RHPN2: variants seen among roughly 807,000 people sequenced by gnomAD.
RHPN2 encodes rhophilin-2.
Under a neutral mutation model 79.0 loss-of-function variants are expected in RHPN2, and 40 were observed. The observed-to-expected ratio is 0.51, with a 90% CI of 0.39 to 0.66. The LOEUF (loss-of-function observed/expected upper bound fraction) is 0.66. Ranked by LOEUF, RHPN2 falls within the 30% of genes least tolerant of loss-of-function variation. The pLI, the probability that RHPN2 is intolerant of heterozygous loss-of-function variation, is 0.00. For synonymous variants in RHPN2, 285 were observed against 363.5 expected, an observed-to-expected ratio of 0.78 and a Z score of 2.46; for missense variants, 686 against 883.5, an observed-to-expected ratio of 0.78 and a Z score of 2.83.
At chr19:32,989,149 G>A (rs1024319714) in intron 14 of RHPN2, among the ~76,000 whole-genome samples, 7 of 151,992 alleles carry the variant, frequency 4.6e-5, no homozygotes, top group Non-Finnish European at 8.8e-5. Context: ...TCACTCTGTT[G>A]CCCAGGCTGG....
At chr19:33,015,347 C>T (rs776270548) in intron 4 of RHPN2, among the ~76,000 whole-genome samples, 4,328 of 115,750 alleles carry the variant, frequency 0.037, no homozygotes, top group Non-Finnish European at 0.042. Context: ...ATAGCTTGAG[C>T]CCAGGAGGCA....
intron 9 of RHPN2, 53 bp from the exon 10 acceptor site, chr19:32,999,758 C>T (rs1971734384): frequency 1.3e-6 from 2 of 1,596,876 alleles, no homozygotes; most frequent in Non-Finnish European, 1.7e-6. Flanking sequence ...GCCACAGACC[C>T]ACGTAGAGAT....
At chr19:32,988,463 A>C (rs564773264) in intron 14 of RHPN2, among the ~76,000 whole-genome samples, 7 of 152,258 alleles carry the variant, frequency 4.6e-5, no homozygotes, top group Admixed American at 3.9e-4. Context: ...ACCAGCCTGG[A>C]CAAGTGCCAT....
rs143887872 is a variant in RHPN2, at chr19:33,043,670, T to C, written c.185+579A>G. ...CTGGCACATTGTCTTTTGTTGCATT[T>C]CGTTGCCTGGAGAGGGTTTATAGAG... is the stretch of plus-strand genomic sequence containing the variant. On this transcript the variant is annotated intron_variant, in intron 2 of 14. Coordinates refer to ENST00000254260, the MANE Select transcript of RHPN2 (RefSeq NM_033103.5). 3.9e-5 allele frequency among the ~76,000 whole-genome samples: 6 copies of C among 152,292 alleles called. No homozygotes were observed. The East Asian group carries it at 1.2e-3, about 29-fold the overall frequency.
chr19:33,060,633 G>C (rs777173567), intron 1 of RHPN2, among the ~76,000 whole-genome samples: 1 of 151,992 alleles, frequency 6.6e-6, no homozygotes, highest in South Asian at 2.1e-4. Flanking sequence ...CGTGGGCTCC[G>C]GATATCCTCC....
chr19:33,054,865 G>A (rs534822511), intron 1 of RHPN2, among the ~76,000 whole-genome samples: 7 of 152,220 alleles, frequency 4.6e-5, no homozygotes, highest in Non-Finnish European at 1.0e-4. Flanking sequence ...CATTTACAGT[G>A]TTATAGTTCA....
intron 4 of RHPN2, among the ~76,000 whole-genome samples, chr19:33,019,256 G>T (rs1195415990): frequency 6.6e-6 from 1 of 151,882 alleles, no homozygotes; most frequent in Non-Finnish European, 1.5e-5. Flanking sequence ...ACCAGCCTGG[G>T]CAACAGTGGG....
intron 1 of RHPN2, among the ~76,000 whole-genome samples, chr19:33,063,383 T>C (rs914099488): frequency 1.3e-5 from 2 of 152,236 alleles, no homozygotes; most frequent in Middle Eastern, 3.4e-3. Flanking sequence ...AGTCTCTCTG[T>C]GTCACCTGGG....
In RHPN2 at chr19:33,002,340, G is replaced by A; in HGVS notation, c.1012C>T (p.Pro338Ser). The change falls in exon 9 of 15, where the codon CCC becomes TCC. Residue 338 changes from proline (P) to serine (S), a missense_variant. Transcript: ENST00000254260. ...MSQAPVKENI[P>S]YSWASLACVK... ...CAGGCTAAGCTGGCCCAGGAGTAGGGGATGTTCTCTTTCACCGGCGCCTGG... is the reference window on the plus strand; with the variant it reads ...CAGGCTAAGCTGGCCCAGGAGTAGGAGATGTTCTCTTTCACCGGCGCCTGG... The A allele has an allele frequency of 2.0e-5, 33 of 1,613,956 alleles. No individual in the cohort carries two copies. Among genetic ancestry groups the A allele is most frequent in the Non-Finnish European group, 2.8e-5 (33 of 1,179,872 alleles).
intron 4 of RHPN2, among the ~76,000 whole-genome samples, chr19:33,018,161 A>G (rs1161359578): frequency 6.6e-6 from 1 of 151,784 alleles, no homozygotes; most frequent in Non-Finnish European, 1.5e-5. Flanking sequence ...TCAAAAATAT[A>G]TATATACACA....
intron 1 of RHPN2, chr19:33,051,650 GAACA>G (rs1972189036): frequency 5.1e-6 from 1 of 196,686 alleles, no homozygotes; most frequent in Non-Finnish European, 1.2e-5. Context: ...TCTGTTCAGT[GAACA>G]GACAGATCAC....
At chr19:33,061,091 C>T (rs1339322229) in intron 1 of RHPN2, among the ~76,000 whole-genome samples, 1 of 152,138 alleles carries the variant, frequency 6.6e-6, no homozygotes, top group Non-Finnish European at 1.5e-5. Context: ...TGACCCTGAA[C>T]TGCCTGGCTC....
chr19:33,026,266 C>A (rs889506845), intron 3 of RHPN2, among the ~76,000 whole-genome samples: 1 of 151,982 alleles, frequency 6.6e-6, no homozygotes, highest in Non-Finnish European at 1.5e-5. Flanking sequence ...AGTGAGCCAC[C>A]GTGCCCGGCC....
At chr19:33,056,921 A>G (rs990562887) in intron 1 of RHPN2, among the ~76,000 whole-genome samples, 2 of 151,104 alleles carry the variant, frequency 1.3e-5, no homozygotes, top group African/African-American at 2.4e-5. Context: ...CATCCTGGCT[A>G]ACATGGTGAA....
chr19:32,990,487 A>C (rs2146001423), intron 14 of RHPN2, 27 bp downstream of exon 14: 1 of 1,613,456 alleles, frequency 6.2e-7, no homozygotes, highest in Non-Finnish European at 8.5e-7. Flanking sequence ...GCCACCACTG[A>C]CTGCCCAGGG....
At chr19:32,996,400 G>C in intron 10 of RHPN2, 180 bp from the exon 11 acceptor site, 1 of 659,130 alleles carries the variant, frequency 1.5e-6, no homozygotes, top group Non-Finnish European at 2.7e-6. Context: ...GAGAGAGCCG[G>C]ACAGACTCCA....
chr19:33,031,261 T>C (rs575697696), intron 2 of RHPN2, among the ~76,000 whole-genome samples: 28 of 132,066 alleles, frequency 2.1e-4, no homozygotes, highest in African/African-American at 6.6e-4. Flanking sequence ...TTCTACTCTA[T>C]TCTATTCTAT....
chr19:32,992,728 T>C (rs1455580720), intron 12 of RHPN2, among the ~76,000 whole-genome samples: 1 of 151,704 alleles, frequency 6.6e-6, no homozygotes, highest in Non-Finnish European at 1.5e-5. Flanking sequence ...GGAGGACTTC[T>C]TGAGCCCAGG....
chr19:33,034,511 C>T (rs1972039241), intron 2 of RHPN2, among the ~76,000 whole-genome samples: 1 of 147,242 alleles, frequency 6.8e-6, no homozygotes, highest in Admixed American at 7.1e-5. Flanking sequence ...GAGGCTGAGG[C>T]AGAAGAATGG....
Sources: allele counts gnomAD v4.1 joint callset (sites outside exome capture counted in the v4.1 genomes callset), GRCh38; gene constraint gnomAD v4.1.1; transcripts MANE v1.5; gene names NCBI Gene and HGNC (gene_info 2026-07-23, HGNC 2026-07-21).